Variants in HAS3 observed in about 807,000 individuals in gnomAD.
HAS3 encodes the protein hyaluronan synthase 3.
Under a neutral mutation model 50.3 loss-of-function variants are expected in HAS3, and 27 were observed. The observed-to-expected ratio is 0.54, with a 90% CI of 0.40 to 0.74. The LOEUF (loss-of-function observed/expected upper bound fraction) is 0.74, where lower values mean the gene tolerates loss of function less well. Ranked by LOEUF, HAS3 falls within the 30% of genes least tolerant of loss-of-function variation. The pLI, the probability that HAS3 is intolerant of heterozygous loss-of-function variation, is 0.00. For synonymous variants in HAS3, 339 were observed against 310.9 expected (o/e 1.09, Z -0.95); for missense variants, 517 against 742.8 (o/e 0.70, Z 3.53).
At chr16:69,118,417 G>A (rs752717573), downstream of HAS3, 15 of 1,613,476 alleles carry the variant, frequency 9.3e-6, no homozygotes, top group East Asian at 2.2e-5. Context: ...TCAGAGCTAC[G>A]GAAGCATGGT....
At chr16:69,091,509 T>C in the HAS3 span, among the ~76,000 whole-genome samples, 1 of 151,944 alleles carries the variant, frequency 6.6e-6, no homozygotes, top group South Asian at 2.1e-4. Flanking sequence ...TTTGTACCAA[T>C]CTACATTCCC....
At chr16:69,111,829 T>C (rs1327754545) in intron 2 of HAS3, among the ~76,000 whole-genome samples, 1 of 152,094 alleles carries the variant, frequency 6.6e-6, no homozygotes, top group Non-Finnish European at 1.5e-5. Flanking sequence ...CACAGTGACT[T>C]TGTCATCTAT....
the HAS3 span, among the ~76,000 whole-genome samples, chr16:69,089,152 TTGTC>T: frequency 1.3e-5 from 2 of 152,054 alleles, no homozygotes; most frequent in African/African-American, 2.4e-5. Flanking sequence ...TTTTGTCTCT[TTGTC>T]TGCGAGGGTG....
chr16:69,112,028 C>T (rs907723565), intron 2 of HAS3, among the ~76,000 whole-genome samples: 1 of 152,264 alleles, frequency 6.6e-6, no homozygotes, highest in South Asian at 2.1e-4. Context: ...TGTCTTCTAA[C>T]CGCCTGCTGC....
At chr16:69,089,621 C>T in the HAS3 span, among the ~76,000 whole-genome samples, 4 of 152,200 alleles carry the variant, frequency 2.6e-5, no homozygotes, top group Non-Finnish European at 4.4e-5. Context: ...TGTGTTGCTC[C>T]TTACAATACC....
chr16:69,094,074 G>A, the HAS3 span, among the ~76,000 whole-genome samples: 1 of 152,192 alleles, frequency 6.6e-6, no homozygotes, highest in Non-Finnish European at 1.5e-5. Context: ...CTGATTTCAG[G>A]AGAGAGTGGT....
chr16:69,107,690 C>A lies in HAS3; in HGVS notation c.1-1706C>A. The A allele has an allele frequency of 5.1e-6, 5 of 985,566 alleles. No homozygotes were observed. Among genetic ancestry groups the A allele is most frequent in the Non-Finnish European group, 6.0e-6 (5 of 830,028 alleles). The allele number at this position is 985,566 out of a possible 1,614,324, so 61.1% of individuals were successfully genotyped here. A position where few individuals can be genotyped will look rare whatever the true frequency, so the allele number is the denominator to read the frequency against. ...GCAGGGGGGTCCCGCCGCGCCCCTT[C>A]AGCATGTAAGCTCCGGAGGGGAATG... On this transcript the variant is annotated intron_variant, in intron 1 of 3. Transcript: ENST00000569188. This position sits in a 1 kb window ranked among gnomAD's most constrained non-coding sequence, Gnocchi z 5.5.
chr16:69,083,625 A>G, the HAS3 span: 4 of 1,573,728 alleles, frequency 2.5e-6, no homozygotes, highest in South Asian at 1.2e-5. Context: ...TGTTCCCTCC[A>G]CAGAAGCTGG....
rs1357639784 is a variant in HAS3 at position 69,115,889 on chromosome 16, G to GAGTT, written c.*626_*629dup. On this transcript the variant is annotated 3_prime_UTR_variant, in exon 4 of 4. Coordinates refer to ENST00000569188, the MANE Select transcript of HAS3 (RefSeq NM_001199280.2). ...TCCAGGGATGAGCCAAACCAGCAGG[G>GAGTT]AGTTAGCACTGAACTGCTTTTAAAA... 1 of 985,740 alleles carries GAGTT rather than the reference G, an allele frequency of 1.0e-6. No individual in the cohort carries two copies. The highest frequency in any genetic ancestry group is 1.2e-6 in the Non-Finnish European group (1 of 829,952). 61.1% of individuals were successfully genotyped at this position (985,740 alleles called of 1,614,324 possible).
the HAS3 span, among the ~76,000 whole-genome samples, chr16:69,089,750 A>G: frequency 3.5e-4 from 53 of 152,278 alleles, no homozygotes; most frequent in African/African-American, 1.2e-3. Flanking sequence ...CTGAAACATC[A>G]TTAGGGAGGT....
the HAS3 span, among the ~76,000 whole-genome samples, chr16:69,087,696 C>CTTT: frequency 3.6e-3 from 295 of 82,578 alleles, 4 homozygotes; most frequent in Non-Finnish European, 5.3e-3. Flanking sequence ...CCGCACCCGG[C>CTTT]TTTTTTTTTT....
chr16:69,083,781 TGGTTTTATGGTGCA>T, the HAS3 span: 2 of 1,151,988 alleles, frequency 1.7e-6, no homozygotes, highest in Non-Finnish European at 2.4e-6. Flanking sequence ...ACCCTCGGGG[TGGTTTTATGGTGCA>T]GGTCACTTGG....
At chr16:69,089,485 C>G in the HAS3 span, among the ~76,000 whole-genome samples, 2 of 152,336 alleles carry the variant, frequency 1.3e-5, no homozygotes, top group East Asian at 3.9e-4. Context: ...TGGCTGTGTC[C>G]TCAGCAAGCT....
At chr16:69,100,823 C>G (rs1960689888), upstream of HAS3, among the ~76,000 whole-genome samples, 1 of 152,184 alleles carries the variant, frequency 6.6e-6, no homozygotes, top group South Asian at 2.1e-4. Context: ...CCTGCTAAAG[C>G]TTTGAGAAAG....
At chr16:69,101,459 C>CT (rs1960696105), upstream of HAS3, among the ~76,000 whole-genome samples, 3 of 152,040 alleles carry the variant, frequency 2.0e-5, no homozygotes, top group Admixed American at 6.6e-5. Flanking sequence ...TGCCACCACG[C>CT]TTGGCTAATT....
upstream of HAS3, among the ~76,000 whole-genome samples, chr16:69,104,799 G>A (rs1176888810): frequency 6.6e-6 from 1 of 151,972 alleles, no homozygotes; most frequent in East Asian, 1.9e-4. Flanking sequence ...TTGCTTGCCT[G>A]CGGGGACTGA....
At chr16:69,113,380 G>T in intron 2 of HAS3, 61 bp from the exon 3 acceptor site, 1 of 1,068,870 alleles carries the variant, frequency 9.4e-7, no homozygotes, top group South Asian at 1.2e-5. Flanking sequence ...TGGCAGTGGG[G>T]TGGGGGACAG....
chr16:69,109,382 C>A lies in HAS3; in HGVS notation c.1-14C>A. ...CTCCTGCCTGACCCTTCATCTCCTGCCTTCTCTCGCCAGATGCCGGTGCAG... is the reference window on the plus strand; with the variant it reads ...CTCCTGCCTGACCCTTCATCTCCTGACTTCTCTCGCCAGATGCCGGTGCAG... On this transcript the variant is annotated splice_polypyrimidine_tract_variant and intron_variant, in intron 1 of 3. Coordinates refer to ENST00000569188, the MANE Select transcript of HAS3 (RefSeq NM_001199280.2). This position sits in a 1 kb window ranked among gnomAD's most constrained non-coding sequence, Gnocchi z 5.3. 1.3e-6 allele frequency: 2 copies of A among 1,587,964 alleles called. No individual in the cohort carries two copies.
chr16:69,101,968 C>T (rs567149508), upstream of HAS3, among the ~76,000 whole-genome samples: 4 of 152,048 alleles, frequency 2.6e-5, no homozygotes, highest in South Asian at 4.2e-4. Context: ...GTATCTTTAG[C>T]GGAGACAGGG....
Sources: allele counts gnomAD v4.1 joint callset (sites outside exome capture counted in the v4.1 genomes callset), GRCh38; gene constraint gnomAD v4.1.1; non-coding constraint Gnocchi (gnomAD v3.1); transcripts MANE v1.5; gene names NCBI Gene and HGNC (gene_info 2026-07-23, HGNC 2026-07-21).